Variants in KLHL2 observed in about 807,000 individuals in gnomAD.
KLHL2 encodes kelch like family member 2.
A neutral mutation model predicts 75.8 loss-of-function variants in KLHL2; 15 were observed. That is an observed-to-expected ratio of 0.20 (90% CI 0.13 to 0.30). The LOEUF (loss-of-function observed/expected upper bound fraction) is 0.30, where lower values mean the gene tolerates loss of function less well. Among genes scored for constraint, KLHL2 ranks in the 10% least tolerant of loss-of-function variants. KLHL2 has a pLI of 1.00. For synonymous variants in KLHL2, 214 were observed against 251.9 expected (o/e 0.85, Z 1.42); for missense variants, 381 against 741.0 (o/e 0.51, Z 5.64).
At chr4:165,251,059 TG>T (rs1740664021) in intron 4 of KLHL2, among the ~76,000 whole-genome samples, 1 of 147,318 alleles carries the variant, frequency 6.8e-6, no homozygotes, top group South Asian at 2.1e-4. Context: ...CTTTCTCTTA[TG>T]GGATAGAAGT....
intron 9 of KLHL2, among the ~76,000 whole-genome samples, chr4:165,308,108 TTATGAAACTAGTGATAGGACTCCTG>T (rs1272689731): frequency 6.6e-6 from 1 of 152,226 alleles, no homozygotes; most frequent in African/African-American, 2.4e-5. Context: ...TTTTACTATG[TTATGAAACTAGTGATAGGACTCCTG>T]TCTTCTTTTA....
intron 4 of KLHL2, among the ~76,000 whole-genome samples, chr4:165,253,576 A>G (rs1458927612): frequency 6.6e-6 from 1 of 152,234 alleles, no homozygotes; most frequent in African/African-American, 2.4e-5. Context: ...TACATACTGT[A>G]GATCTTAACT....
rs1745393859 is a variant in KLHL2, at chr4:165,302,089, T to A, written c.921+2433T>A. On this transcript the variant is annotated intron_variant, in intron 8 of 14. Transcript: ENST00000226725. Reference sequence around the variant, plus strand: ...ATTTTGTGCTGGGTATGTGGGTCCCTGGAGGTTCTCTTTCATTCTGCTCTA... The same window carrying A: ...ATTTTGTGCTGGGTATGTGGGTCCCAGGAGGTTCTCTTTCATTCTGCTCTA... Among the ~76,000 whole-genome samples the A allele has an allele frequency of 2.6e-5, 4 of 152,222 alleles. No homozygotes were observed. The South Asian group carries it at 8.3e-4, about 31-fold the overall frequency.
In KLHL2 at chr4:165,281,996, C is replaced by A. The variant is rs146409166; in HGVS notation, c.545-12363C>A. ...GTGGTGAACTACTGAAGGTAAATTA[C>A]TAATGTCACAAGCTATGATCCATAA... is the stretch of plus-strand genomic sequence containing the variant. On this transcript the variant is annotated intron_variant, in intron 5 of 14. Coordinates refer to ENST00000226725, the MANE Select transcript of KLHL2 (RefSeq NM_007246.4). Among the ~76,000 whole-genome samples the A allele has an allele frequency of 7.9e-3, 1,198 of 152,216 alleles. 18 individuals carry two copies. The highest frequency in any genetic ancestry group is 0.027 in the African/African-American group (1,120 of 41,522).
intron 5 of KLHL2, among the ~76,000 whole-genome samples, chr4:165,270,822 A>G (rs1409284826): frequency 2.0e-5 from 3 of 152,208 alleles, no homozygotes; most frequent in African/African-American, 4.8e-5. Context: ...TCGGAGCTCA[A>G]ACGCCATGCT....
At chr4:165,259,753 C>T (rs1215665702) in intron 4 of KLHL2, among the ~76,000 whole-genome samples, 1 of 152,172 alleles carries the variant, frequency 6.6e-6, no homozygotes, top group African/African-American at 2.4e-5. Flanking sequence ...ACAAATACTT[C>T]CATTCTGCAC....
chr4:165,284,100 G>T (rs1743902333), intron 5 of KLHL2, among the ~76,000 whole-genome samples: 1 of 152,164 alleles, frequency 6.6e-6, no homozygotes, highest in Admixed American at 6.5e-5. Flanking sequence ...AGGCCTCTGG[G>T]CCTGTGATGG....
chr4:165,212,722 C>T (rs936548689), intron 1 of KLHL2, among the ~76,000 whole-genome samples: 2 of 152,220 alleles, frequency 1.3e-5, no homozygotes, highest in African/African-American at 4.8e-5. Flanking sequence ...AAGTTACTCT[C>T]TCAAGCTTAT....
chr4:165,318,897 C>T (rs578138095), intron 14 of KLHL2, among the ~76,000 whole-genome samples: 11 of 152,172 alleles, frequency 7.2e-5, no homozygotes, highest in South Asian at 2.1e-4. Flanking sequence ...ATAAAATATA[C>T]GTAGATACTA....
intron 9 of KLHL2, among the ~76,000 whole-genome samples, chr4:165,308,441 C>T (rs913778705): frequency 2.0e-5 from 3 of 152,108 alleles, no homozygotes; most frequent in African/African-American, 4.8e-5. Context: ...AGCCAATGTC[C>T]TTAACTGTGT....
At chr4:165,293,670 A>ATTTT (rs35736944) in intron 5 of KLHL2, among the ~76,000 whole-genome samples, 2 of 125,984 alleles carry the variant, frequency 1.6e-5, no homozygotes, top group African/African-American at 6.0e-5. Flanking sequence ...TGCCTGGCTA[A>ATTTT]TTTTTTTTTT....
At position 165,279,581 on chromosome 4, in the gene KLHL2, G is replaced by C. The variant is rs766802877; in HGVS notation, c.545-14778G>C. The C allele has an allele frequency of 2.5e-6, 4 of 1,603,276 alleles. No individual in the cohort carries two copies. In the South Asian group the frequency reaches 4.4e-5, roughly 18 times the overall value. ...TGAATTGAAAACCAAAAAGCGCGTG[G>C]AACTGGTGCCTTGGTCCACTGCCCC... On this transcript the variant is annotated intron_variant, in intron 5 of 14. Coordinates refer to ENST00000226725, the MANE Select transcript of KLHL2 (RefSeq NM_007246.4).
chr4:165,245,931 G>A (rs1265948529), intron 4 of KLHL2, among the ~76,000 whole-genome samples: 1 of 151,930 alleles, frequency 6.6e-6, no homozygotes, highest in African/African-American at 2.4e-5. Flanking sequence ...AATATTTATG[G>A]GGTATCTATT....
rs1737454631 is a variant in KLHL2 at position 165,215,143 on chromosome 4, A to G, written c.27-4791A>G. On this transcript the variant is annotated intron_variant, in intron 1 of 14. Coordinates refer to ENST00000226725, the MANE Select transcript of KLHL2 (RefSeq NM_007246.4). ...TTCCAGACATGTGAAGAAAATTTGC[A>G]GTGTGTCTCTTTGCCTTAGCTAACT... 3.9e-5 allele frequency among the ~76,000 whole-genome samples: 6 copies of G among 152,196 alleles called. 1 individual carries two copies. The highest frequency in any genetic ancestry group is 3.9e-4 in the Admixed American group (6 of 15,286).
rs996648329 is a variant in KLHL2 at position 165,294,296 on chromosome 4, C to T, written c.545-63C>T. 11 of 907,944 alleles carry T rather than the reference C, an allele frequency of 1.2e-5. No individual in the cohort carries two copies. In the Admixed American group the frequency reaches 1.8e-4, roughly 14 times the overall value. 56.2% of individuals were successfully genotyped at this position (907,944 alleles called of 1,614,324 possible). A position where few individuals can be genotyped will look rare whatever the true frequency, so the allele number is the denominator to read the frequency against. ...TAAATTAAGAAAAACCTTTTTTAAG[C>T]AGTTTGAAACTATGATAATGGAATG... is the stretch of plus-strand genomic sequence containing the variant. On this transcript the variant is annotated intron_variant, in intron 5 of 14. Coordinates refer to ENST00000226725, the MANE Select transcript of KLHL2 (RefSeq NM_007246.4).
rs1165455734 is a variant in KLHL2, at chr4:165,314,072, T to A, written c.1515T>A (p.Asp505Glu). The change falls in exon 13 of 15, where the codon GAT (aspartate) becomes GAA (glutamate). Residue 505 changes from aspartate to glutamate, a missense_variant. Physicochemically the swap from Asp to Glu is conservative, Grantham distance 45 (BLOSUM62 2). This residue lies in a region of KLHL2 where 168 missense variants were observed against 370.4 expected (regional missense o/e 0.45). Coordinates refer to ENST00000226725, the MANE Select transcript of KLHL2 (RefSeq NM_007246.4). Reference protein sequence around the residue: ...NNLLYAVGGHDGPLVRKSVEV... With the variant: ...NNLLYAVGGHEGPLVRKSVEV... ...TATTGTATGCTGTAGGAGGTCATGA[T>A]GGCCCTTTAGTACGAAAAAGTGTTG... 6.8e-6 allele frequency: 11 copies of A among 1,613,864 alleles called. No homozygotes were observed. Among genetic ancestry groups the A allele is most frequent in the Non-Finnish European group, 9.3e-6 (11 of 1,179,796 alleles).
chr4:165,238,598 A>G (rs1212885268), intron 3 of KLHL2, among the ~76,000 whole-genome samples, 180 bp from the exon 4 acceptor site: 1 of 152,152 alleles, frequency 6.6e-6, no homozygotes, highest in Non-Finnish European at 1.5e-5. Context: ...ACATTTTATG[A>G]TTTGCTCAGG....
intron 8 of KLHL2, among the ~76,000 whole-genome samples, chr4:165,303,808 A>G (rs1745529871): frequency 6.6e-6 from 1 of 151,992 alleles, no homozygotes; most frequent in South Asian, 2.1e-4. Flanking sequence ...AAGCGATCCA[A>G]CCGCACTGGC....
At chr4:165,304,940 T>G (rs184062381) in intron 8 of KLHL2, among the ~76,000 whole-genome samples, 1 of 152,214 alleles carries the variant, frequency 6.6e-6, no homozygotes, top group Non-Finnish European at 1.5e-5. Flanking sequence ...TGGATTGAGT[T>G]GAGGGAACTT....
Sources: allele counts gnomAD v4.1 joint callset (sites outside exome capture counted in the v4.1 genomes callset), GRCh38; gene constraint gnomAD v4.1.1; regional missense constraint gnomAD v4.1.1; transcripts MANE v1.5; gene names NCBI Gene and HGNC (gene_info 2026-07-23, HGNC 2026-07-21).